KIZ: variants seen among roughly 807,000 people sequenced by gnomAD.
KIZ encodes kizuna centrosomal protein.
In KIZ, 68 loss-of-function variants were observed where a neutral mutation model predicts 79.6. That is an observed-to-expected ratio of 0.85 (90% CI 0.70 to 1.05). The LOEUF (loss-of-function observed/expected upper bound fraction) is 1.05, where lower values mean the gene tolerates loss of function less well. Among genes scored for constraint, KIZ ranks in the 50% least tolerant of loss-of-function variants. The pLI is 0.00. For missense variants in KIZ, 797 were observed against 800.4 expected, an observed-to-expected ratio of 1.00 and a Z score of 0.05; for synonymous variants, 280 against 281.8, an observed-to-expected ratio of 0.99 and a Z score of 0.06.
At chr20:21,180,818 T>G (rs947483740) in intron 6 of KIZ, among the ~76,000 whole-genome samples, 1 of 152,178 alleles carries the variant, frequency 6.6e-6, no homozygotes, top group Non-Finnish European at 1.5e-5. Flanking sequence ...AAGCTCCAGA[T>G]GTGAGTTTAG....
rs763798 is a variant in KIZ at position 21,215,374 on chromosome 20, T to C, written c.1613-209T>C. ...GTTATTTTGCGTGAAAGCAGCATAG[T>C]GGTACCTTAATTCAATTTTATTTTT... On this transcript the variant is annotated intron_variant, in intron 8 of 12. Transcript: ENST00000619189. Among the ~76,000 whole-genome samples the C allele has an allele frequency of 8.5e-3, 1,287 of 152,260 alleles. 32 individuals carry two copies. Among genetic ancestry groups the C allele is most frequent in the East Asian group, 0.063 (325 of 5,174 alleles).
intron 6 of KIZ, among the ~76,000 whole-genome samples, chr20:21,204,379 T>C (rs1399213022): frequency 6.6e-6 from 1 of 152,060 alleles, no homozygotes; most frequent in Non-Finnish European, 1.5e-5. Context: ...CCTCCCAAAG[T>C]GCAAGATTCA....
rs149662964 is a variant in KIZ at position 21,128,783 on chromosome 20, C to T, written c.89+2579C>T. ...CTTTTAAAAGGGCCCATTAGCCAGCCGCGGTTTTTTCAGTGCCTATATTGA... is the reference window on the plus strand; with the variant it reads ...CTTTTAAAAGGGCCCATTAGCCAGCTGCGGTTTTTTCAGTGCCTATATTGA... On this transcript the variant is annotated intron_variant, in intron 1 of 12. Coordinates refer to ENST00000619189, the MANE Select transcript of KIZ (RefSeq NM_018474.6). 3.1e-3 allele frequency among the ~76,000 whole-genome samples: 472 copies of T among 152,216 alleles called. 1 individual carries two copies. Among genetic ancestry groups the T allele is most frequent in the African/African-American group, 0.011 (443 of 41,534 alleles).
At chr20:21,235,505 C>G (rs2036974466) in intron 11 of KIZ, among the ~76,000 whole-genome samples, 1 of 152,212 alleles carries the variant, frequency 6.6e-6, no homozygotes, top group African/African-American at 2.4e-5. Context: ...GTAAAGACCA[C>G]TTGTTCCCTT....
chr20:21,191,687 G>A (rs947714966), intron 6 of KIZ, among the ~76,000 whole-genome samples: 1 of 152,140 alleles, frequency 6.6e-6, no homozygotes, highest in African/African-American at 2.4e-5. Context: ...TTGCTTTAAT[G>A]TATCTTTGTA....
intron 6 of KIZ, among the ~76,000 whole-genome samples, chr20:21,188,504 T>C (rs1167255253): frequency 1.3e-5 from 2 of 152,196 alleles, no homozygotes; most frequent in Admixed American, 6.5e-5. Context: ...TGTTTTCTTC[T>C]GTTAACCTGT....
intron 6 of KIZ, among the ~76,000 whole-genome samples, chr20:21,177,026 AG>A (rs1378930271): frequency 1.3e-5 from 2 of 152,398 alleles, no homozygotes; most frequent in East Asian, 3.9e-4. Context: ...GGTGGTTTCT[AG>A]ATCTTCGCTA....
intron 5 of KIZ, 148 bp downstream of exon 5, chr20:21,162,655 G>C (rs1279518048): frequency 2.5e-5 from 19 of 772,464 alleles, no homozygotes; most frequent in Non-Finnish European, 3.5e-5. Context: ...ATGTACATGG[G>C]AGTGAATTTG....
intron 10 of KIZ, among the ~76,000 whole-genome samples, chr20:21,229,334 C>T (rs977941919): frequency 6.6e-6 from 1 of 152,242 alleles, no homozygotes; most frequent in Non-Finnish European, 1.5e-5. Context: ...ATGGCAATGG[C>T]CCTTCCAGGC....
intron 6 of KIZ, among the ~76,000 whole-genome samples, chr20:21,173,847 G>A (rs6047293): frequency 0.58 from 87,842 of 151,942 alleles, 27,053 homozygotes; most frequent in South Asian, 0.78. Context: ...TCAGAGAGAG[G>A]TCAGGGCTAG....
chr20:21,214,873 G>T (rs1421097691), intron 8 of KIZ, among the ~76,000 whole-genome samples, 173 bp downstream of exon 8: 1 of 152,044 alleles, frequency 6.6e-6, no homozygotes, highest in East Asian at 1.9e-4. Flanking sequence ...TTCTCCTTTA[G>T]TCTAACAGGA....
intron 2 of KIZ, among the ~76,000 whole-genome samples, chr20:21,134,329 G>A (rs2032039568): frequency 1.3e-5 from 2 of 152,166 alleles, no homozygotes; most frequent in Non-Finnish European, 1.5e-5. Flanking sequence ...AAACTTCTAG[G>A]CTCTGTGGTT....
Position 21,214,527 on chromosome 20 carries a change from C to T in KIZ, c.1447-8C>T, listed in dbSNP as rs1450584915. The T allele has an allele frequency of 1.3e-6, 2 of 1,589,136 alleles. No individual in the cohort carries two copies. The highest frequency in any genetic ancestry group is 4.5e-5 in the East Asian group (2 of 44,516). The stretch of plus-strand genomic sequence containing the variant: ...TTATTTCTTTGTGCTTTTTTTGAAA[C>T]ACTGTAGGCAACAGCATTATTGAGA... On this transcript the variant is annotated splice_polypyrimidine_tract_variant and splice_region_variant and intron_variant, in intron 7 of 12. Transcript: ENST00000619189.
intron 6 of KIZ, among the ~76,000 whole-genome samples, chr20:21,188,581 C>T (rs2034978296): frequency 6.6e-6 from 1 of 151,530 alleles, no homozygotes; most frequent in Admixed American, 6.6e-5. Flanking sequence ...TCTGACCCTA[C>T]ACCCTCCACA....
intron 6 of KIZ, among the ~76,000 whole-genome samples, chr20:21,175,491 C>T (rs1436469034): frequency 6.6e-6 from 1 of 152,148 alleles, no homozygotes; most frequent in Non-Finnish European, 1.5e-5. Context: ...ATTCTAGCCT[C>T]AGTCAGAAGA....
At chr20:21,191,287 A>G (rs977795129) in intron 6 of KIZ, among the ~76,000 whole-genome samples, 2 of 152,262 alleles carry the variant, frequency 1.3e-5, no homozygotes, top group African/African-American at 2.4e-5. Flanking sequence ...GATGGTAAAT[A>G]TAATTTAAAC....
At chr20:21,220,007 AGTT>A (rs1017847051) in intron 9 of KIZ, among the ~76,000 whole-genome samples, 12 of 152,040 alleles carry the variant, frequency 7.9e-5, no homozygotes, top group Non-Finnish European at 1.3e-4. Context: ...TTATTAGTCT[AGTT>A]GTTGTTCACT....
chr20:21,221,723 A>G (rs1481774528), intron 9 of KIZ, among the ~76,000 whole-genome samples: 2 of 152,212 alleles, frequency 1.3e-5, no homozygotes, highest in South Asian at 4.1e-4. Flanking sequence ...AGTTCTAGGC[A>G]GTGCTTCCCA....
At chr20:21,239,180 T>C (rs1343381637) in intron 11 of KIZ, among the ~76,000 whole-genome samples, 3 of 152,174 alleles carry the variant, frequency 2.0e-5, no homozygotes, top group Non-Finnish European at 4.4e-5. Context: ...AGAAAACTGG[T>C]GCTTGGAGAG....
Sources: allele counts gnomAD v4.1 joint callset (sites outside exome capture counted in the v4.1 genomes callset), GRCh38; gene constraint gnomAD v4.1.1; transcripts MANE v1.5; gene names NCBI Gene and HGNC (gene_info 2026-07-23, HGNC 2026-07-21).